The following RAD54L variants were observed in gnomAD, a reference collection of about 807,000 sequenced individuals.
The protein encoded by RAD54L is RAD54 like, also known as DNA repair and recombination protein RAD54-like.
A neutral mutation model predicts 91.6 loss-of-function variants in RAD54L; 74 were observed. That is an observed-to-expected ratio of 0.81 (90% CI 0.67 to 0.98). The LOEUF (loss-of-function observed/expected upper bound fraction) is 0.98, where lower values mean the gene tolerates loss of function less well. RAD54L is among the 50% of genes least tolerant of loss of function. The pLI is 0.00. For synonymous variants in RAD54L, 304 were observed against 349.7 expected (o/e 0.87, Z 1.46); for missense variants, 887 against 945.7 (o/e 0.94, Z 0.81).
intron 16 of RAD54L, among the ~76,000 whole-genome samples, chr1:46,276,589 G>T (rs17102101): frequency 0.11 from 16,227 of 152,136 alleles, 1,236 homozygotes; most frequent in South Asian, 0.37. Context: ...TTACCTTCTT[G>T]AAATTTCCTT....
At chr1:46,270,839 A>G in intron 10 of RAD54L, 54 bp downstream of exon 10, 3 of 1,611,292 alleles carry the variant, frequency 1.9e-6, no homozygotes, top group South Asian at 1.1e-5. Flanking sequence ...TCCATGGCCA[A>G]TCCTTTGGGG....
In RAD54L at chr1:46,261,374, A is replaced by T; in HGVS notation, c.880A>T (p.Ile294Leu). ...VLQKGSVGLV[I>L]CDEGHRLKNS... ...CCAGAAAGGAAGTGTTGGTCTGGTC[A>T]TATGTGACGAGGTACTTGACTCTCA... Residue 294 changes from isoleucine (I) to leucine (L), a missense_variant, in exon 8 of 18, where the codon ATA becomes TTA. By Grantham distance (5) the Ile-to-Leu change is conservative. Transcript: ENST00000371975. 2 of 1,614,058 alleles carry T rather than the reference A, an allele frequency of 1.2e-6. No homozygotes were observed. The highest frequency in any genetic ancestry group is 8.5e-7 in the Non-Finnish European group (1 of 1,179,984).
intron 4 of RAD54L, 79 bp from the exon 5 acceptor site, chr1:46,259,885 T>C: frequency 6.3e-7 from 1 of 1,597,028 alleles, no homozygotes; most frequent in African/African-American, 1.3e-5. Flanking sequence ...AAAGGTTATG[T>C]GAAGGACAAG....
chr1:46,271,754 G>A (rs2148299193), intron 10 of RAD54L, among the ~76,000 whole-genome samples: 1 of 152,250 alleles, frequency 6.6e-6, no homozygotes, highest in African/African-American at 2.4e-5. Flanking sequence ...TTCCCAGGAG[G>A]TCTATGCTTA....
intron 8 of RAD54L, among the ~76,000 whole-genome samples, chr1:46,266,582 G>A (rs1660271600): frequency 6.6e-6 from 1 of 152,228 alleles, no homozygotes; most frequent in African/African-American, 2.4e-5. Flanking sequence ...AGGGAGAATA[G>A]AGATTGGGGA....
chr1:46,253,088 C>G (rs372444679), intron 3 of RAD54L, among the ~76,000 whole-genome samples: 1 of 151,906 alleles, frequency 6.6e-6, no homozygotes, highest in Non-Finnish European at 1.5e-5. Context: ...AAAATACTTG[C>G]GTATAGGAAA....
rs764393834 is a variant in RAD54L at position 46,261,016 on chromosome 1, G to T, written c.766+1G>T. On this transcript the variant is annotated splice_donor_variant, in intron 7 of 17. Coordinates refer to ENST00000371975, the MANE Select transcript of RAD54L (RefSeq NM_003579.4). LOFTEE classifies it high-confidence loss of function. ...AAGGATGAAATAGACCAAAAGCTGG[G>T]TACGGAGCCCTAACAAAGATGGCTG... 1 of 1,612,718 alleles carries T rather than the reference G, an allele frequency of 6.2e-7. No individual in the cohort carries two copies. The highest frequency in any genetic ancestry group is 8.5e-7 in the Non-Finnish European group (1 of 1,179,770).
At chr1:46,267,133 G>A (rs1230666589) in intron 8 of RAD54L, among the ~76,000 whole-genome samples, 5 of 152,112 alleles carry the variant, frequency 3.3e-5, no homozygotes, top group African/African-American at 2.4e-5. Context: ...GTGCACTCAC[G>A]GCTCACTGAA....
At position 46,274,654 on chromosome 1, in the gene RAD54L, A is replaced by G; in HGVS notation, c.1806A>G (p.Gln602=). 6.2e-7 allele frequency: 1 copy of G among 1,614,132 alleles called. No individual in the cohort carries two copies. Among genetic ancestry groups the G allele is most frequent in the South Asian group, 1.1e-5 (1 of 91,080 alleles). Residue 602 remains glutamine, a synonymous_variant, in exon 16 of 18, where the codon CAA becomes CAG. Transcript: ENST00000371975. The part of the protein sequence containing the change: ...DPDWNPANDE[Q]AMARVWRDGQ... ...ACTGGAACCCAGCCAATGATGAACA[A>G]GCCATGGCCCGGGTCTGGCGAGATG...
chr1:46,251,553 G>C (rs991571665), intron 3 of RAD54L, among the ~76,000 whole-genome samples: 1 of 151,958 alleles, frequency 6.6e-6, no homozygotes, highest in African/African-American at 2.4e-5. Context: ...TGGCAACAGA[G>C]TGAGACCACC....
chr1:46,268,194 C>T (rs1294499410), intron 9 of RAD54L, among the ~76,000 whole-genome samples: 1 of 152,084 alleles, frequency 6.6e-6, no homozygotes, highest in Non-Finnish European at 1.5e-5. Flanking sequence ...ATAGTGAGAC[C>T]TTGTCTCTAC....
intron 3 of RAD54L, among the ~76,000 whole-genome samples, chr1:46,257,329 A>G (rs372316612): frequency 2.0e-5 from 3 of 151,976 alleles, no homozygotes; most frequent in Non-Finnish European, 4.4e-5. Context: ...TTTTCCACTA[A>G]TATATTCCCA....
chr1:46,249,848 C>A, intron 2 of RAD54L, 152 bp from the exon 3 acceptor site: 1 of 822,072 alleles, frequency 1.2e-6, no homozygotes, highest in Non-Finnish European at 2.0e-6. Context: ...AATAACTCTA[C>A]ATAATAGAGT....
intron 14 of RAD54L, 79 bp downstream of exon 14, chr1:46,273,826 T>G: frequency 1.3e-6 from 2 of 1,542,640 alleles, no homozygotes; most frequent in African/African-American, 1.4e-5. Context: ...TTTGTGGATG[T>G]GGGCCAAGAT....
rs1191121605 is a variant in RAD54L, at chr1:46,272,505, T to C, written c.1209T>C (p.Tyr403=). The change falls in exon 11 of 18, where the codon TAT becomes TAC. Residue 403 remains tyrosine, a synonymous_variant. Coordinates refer to ENST00000371975, the MANE Select transcript of RAD54L (RefSeq NM_003579.4). The stretch of plus-strand genomic sequence containing the variant: ...GGACTTCTGATATCCTTTCTAAATA[T>C]CTGCCTGTGAAGATTGAGCAGGTCG... ...IRRTSDILSK[Y]LPVKIEQVVC... is the part of the protein sequence containing the mutation. 8.7e-6 allele frequency: 14 copies of C among 1,613,002 alleles called. No individual in the cohort carries two copies. Among genetic ancestry groups the C allele is most frequent in the Admixed American group, 1.7e-5 (1 of 60,022 alleles).
intron 10 of RAD54L, 137 bp from the exon 11 acceptor site, chr1:46,272,329 C>A: frequency 1.2e-6 from 1 of 808,688 alleles, no homozygotes; most frequent in Non-Finnish European, 2.1e-6. Flanking sequence ...TGGCGTGAGC[C>A]ACTGCGCCTG....
rs111375941 is a variant in RAD54L at position 46,253,489 on chromosome 1, C to T, written c.210+3370C>T. On this transcript the variant is annotated intron_variant, in intron 3 of 17. Transcript: ENST00000371975. ...ACAAAAAATTAGCTGGGTGTGGTGG[C>T]GGGCGCCTGTAGTCCTAGCTACTCG... 7.1e-3 allele frequency among the ~76,000 whole-genome samples: 1,086 copies of T among 151,930 alleles called. 17 individuals carry two copies. Among genetic ancestry groups the T allele is most frequent in the Middle Eastern group, 0.034 (10 of 294 alleles).
At chr1:46,270,076 A>C (rs1660377536) in intron 9 of RAD54L, among the ~76,000 whole-genome samples, 1 of 151,648 alleles carries the variant, frequency 6.6e-6, no homozygotes, top group Non-Finnish European at 1.5e-5. Context: ...CTGTCTCAAA[A>C]AAAAAAAAAT....
chr1:46,248,524 G>A lies in RAD54L; in HGVS notation c.16G>A (p.Ala6Thr). MRRSL[A>T]PSQLAKRKPE... ...TCTCCCTTTACAGAGGAGGAGCTTG[G>A]CTCCCAGCCAGCTGGCCAAGAGAAA... Residue 6 changes from alanine (A) to threonine (T), a missense_variant, in exon 2 of 18, where the codon GCT becomes ACT. Coordinates refer to ENST00000371975, the MANE Select transcript of RAD54L (RefSeq NM_003579.4). 2 of 1,614,126 alleles carry A rather than the reference G, an allele frequency of 1.2e-6. No individual in the cohort carries two copies. Among genetic ancestry groups the A allele is most frequent in the African/African-American group, 1.3e-5 (1 of 75,036 alleles).
Sources: gnomAD v4.1 joint callset for allele counts (sites outside exome capture counted in the v4.1 genomes callset) on GRCh38, gnomAD v4.1.1 for gene constraint, MANE v1.5 for transcripts, NCBI Gene and HGNC (gene_info 2026-07-23, HGNC 2026-07-21) for gene names.